The following VAV3 variants were observed in gnomAD, a reference collection of about 807,000 sequenced individuals.
VAV3 encodes the protein guanine nucleotide exchange factor VAV3.
VAV3 carries 94 observed loss-of-function variants against 131.2 expected under a neutral mutation model. The ratio of observed to expected loss-of-function variants is 0.72; its 90% CI spans 0.61 to 0.85. The LOEUF (loss-of-function observed/expected upper bound fraction) is 0.85, where lower values mean the gene tolerates loss of function less well. Ranked by LOEUF, VAV3 falls within the 40% of genes least tolerant of loss-of-function variation. VAV3 has a pLI of 0.00. For missense variants in VAV3, 939 were observed against 1,002.7 expected, an observed-to-expected ratio of 0.94 and a Z score of 0.86; for synonymous variants, 349 against 342.0, an observed-to-expected ratio of 1.02 and a Z score of -0.22.
At position 107,727,231 on chromosome 1, in the gene VAV3, T is replaced by C. The variant is rs545364052; in HGVS notation, c.1502+21737A>G. ...TGCCTGGGTCCCATGGCCAAGTCAGTGATAGGGTTTGGGTTCTTTCGTAAT... is the reference window on the plus strand; with the variant it reads ...TGCCTGGGTCCCATGGCCAAGTCAGCGATAGGGTTTGGGTTCTTTCGTAAT... On this transcript the variant is annotated intron_variant, in intron 15 of 26. Coordinates refer to ENST00000370056, the MANE Select transcript of VAV3 (RefSeq NM_006113.5). 5.3e-5 allele frequency among the ~76,000 whole-genome samples: 8 copies of C among 152,332 alleles called. 1 individual carries two copies. Among genetic ancestry groups the C allele is most frequent in the African/African-American group, 1.9e-4 (8 of 41,572 alleles).
At chr1:107,820,242 A>C (rs1205653816) in intron 2 of VAV3, among the ~76,000 whole-genome samples, 8 of 152,080 alleles carry the variant, frequency 5.3e-5, no homozygotes, top group African/African-American at 1.9e-4. Flanking sequence ...ATAAAGAAAA[A>C]TGTGCTACAT....
chr1:107,586,916 T>C (rs575934657), intron 25 of VAV3, among the ~76,000 whole-genome samples: 16 of 152,244 alleles, frequency 1.1e-4, no homozygotes, highest in South Asian at 2.1e-4. Flanking sequence ...AAAAACTTAA[T>C]TTGTTCAGAA....
At chr1:107,693,732 C>A (rs1468196208) in intron 17 of VAV3, among the ~76,000 whole-genome samples, 2 of 152,142 alleles carry the variant, frequency 1.3e-5, no homozygotes, top group African/African-American at 4.8e-5. Flanking sequence ...AAGTGCCACT[C>A]CTCTGAACTT....
intron 1 of VAV3, among the ~76,000 whole-genome samples, chr1:107,906,568 A>G (rs1672118382): frequency 6.6e-6 from 1 of 152,146 alleles, no homozygotes; most frequent in African/African-American, 2.4e-5. Context: ...CGGGAGGCTG[A>G]GGCGGGAGAA....
rs528193771 is a variant in VAV3, at chr1:107,911,001, A to AT, written c.205-35985_205-35984insA. ...TCAGTCTCATTAAAAGAAAAAAAAA[A>AT]GAAAAAAAAAGCAAGGTAGGCTTGA... is the stretch of plus-strand genomic sequence containing the variant. On this transcript the variant is annotated intron_variant, in intron 1 of 26. Transcript: ENST00000370056. 5.8e-4 allele frequency among the ~76,000 whole-genome samples: 88 copies of AT among 151,718 alleles called. 1 individual carries two copies. The highest frequency in any genetic ancestry group is 1.0e-3 in the Non-Finnish European group (71 of 67,950).
intron 1 of VAV3, among the ~76,000 whole-genome samples, chr1:107,937,137 A>G (rs1673762092): frequency 6.6e-6 from 1 of 152,212 alleles, no homozygotes; most frequent in Non-Finnish European, 1.5e-5. Flanking sequence ...ATCCTGTTTT[A>G]ACAAATAATG....
At chr1:107,897,035 A>G (rs1364590787) in intron 1 of VAV3, among the ~76,000 whole-genome samples, 1 of 151,938 alleles carries the variant, frequency 6.6e-6, no homozygotes, top group Non-Finnish European at 1.5e-5. Context: ...ACAGTCCACA[A>G]TAAGGTTTAA....
chr1:107,946,873 T>G (rs991375195), intron 1 of VAV3, among the ~76,000 whole-genome samples: 17 of 152,232 alleles, frequency 1.1e-4, no homozygotes, highest in African/African-American at 3.9e-4. Flanking sequence ...TAGTATTTAG[T>G]GGAAGGTGTT....
At chr1:107,731,876 G>A (rs1662260846) in intron 15 of VAV3, among the ~76,000 whole-genome samples, 1 of 152,178 alleles carries the variant, frequency 6.6e-6, no homozygotes, top group Admixed American at 6.5e-5. Context: ...AAGGTATTCA[G>A]AATCGATGGG....
chr1:107,693,884 C>T (rs1472130461), intron 17 of VAV3, among the ~76,000 whole-genome samples: 1 of 152,128 alleles, frequency 6.6e-6, no homozygotes. Context: ...TAGGTTGAAG[C>T]CATGTGACTA....
intron 19 of VAV3, among the ~76,000 whole-genome samples, chr1:107,658,501 C>A (rs1003686417): frequency 1.3e-5 from 2 of 152,004 alleles, no homozygotes; most frequent in South Asian, 4.1e-4. Context: ...ATTTCTAGTT[C>A]TAGATCCCTG....
chr1:107,831,485 T>C (rs1396086422), intron 2 of VAV3, among the ~76,000 whole-genome samples: 1 of 152,182 alleles, frequency 6.6e-6, no homozygotes, highest in Non-Finnish European at 1.5e-5. Flanking sequence ...TTATTCCCAA[T>C]ATTATTCTCT....
intron 1 of VAV3, among the ~76,000 whole-genome samples, chr1:107,912,590 T>C (rs1672422985): frequency 1.3e-5 from 2 of 152,172 alleles, no homozygotes; most frequent in African/African-American, 4.8e-5. Flanking sequence ...TTCTGGCTTC[T>C]CCACCTACAC....
At chr1:107,876,054 A>G (rs1670481145) in intron 1 of VAV3, among the ~76,000 whole-genome samples, 1 of 152,172 alleles carries the variant, frequency 6.6e-6, no homozygotes, top group African/African-American at 2.4e-5. Flanking sequence ...AAGGATCAGG[A>G]AAAGAGGAGG....
rs1353922241 is a variant in VAV3, at chr1:107,964,778, A to G, written c.92T>C (p.Phe31Ser). ...ATCGCGGAGGGTCTGCGCAAGGTCG[A>G]ACACCTGAGCCGAGTCCCAGGTCAC... The part of the protein sequence containing the change: ...HRVTWDSAQV[F>S]DLAQTLRDGV... The change falls in exon 1 of 27, where the codon TTC becomes TCC. Residue 31 changes from phenylalanine to serine, a missense_variant. By Grantham distance (155) the Phe-to-Ser change is radical. Coordinates refer to ENST00000370056, the MANE Select transcript of VAV3 (RefSeq NM_006113.5). The G allele has an allele frequency of 6.2e-7, 1 of 1,614,056 alleles. No individual in the cohort carries two copies. Among genetic ancestry groups the G allele is most frequent in the South Asian group, 1.1e-5 (1 of 91,074 alleles).
chr1:107,705,783 G>A (rs949445938), intron 15 of VAV3, among the ~76,000 whole-genome samples: 13 of 152,012 alleles, frequency 8.6e-5, no homozygotes, highest in Admixed American at 5.2e-4. Flanking sequence ...TGCCTGGCAC[G>A]AATAATATCA....
chr1:107,865,064 A>G (rs573135392), intron 2 of VAV3, among the ~76,000 whole-genome samples: 47 of 152,292 alleles, frequency 3.1e-4, no homozygotes, highest in Non-Finnish European at 5.4e-4. Context: ...TGCAGTAGGG[A>G]TCCTCATCAG....
chr1:107,947,905 T>C (rs1674346590), intron 1 of VAV3, among the ~76,000 whole-genome samples: 1 of 152,086 alleles, frequency 6.6e-6, no homozygotes, highest in Non-Finnish European at 1.5e-5. Flanking sequence ...AAACAAATGG[T>C]CCCTAATTTC....
intron 25 of VAV3, among the ~76,000 whole-genome samples, chr1:107,595,623 G>A (rs930830323): frequency 6.6e-6 from 1 of 152,040 alleles, no homozygotes; most frequent in Admixed American, 6.6e-5. Flanking sequence ...AAAGGTTTTC[G>A]ACTTAGACTC....
Sources: allele counts gnomAD v4.1 joint callset (sites outside exome capture counted in the v4.1 genomes callset), GRCh38; gene constraint gnomAD v4.1.1; transcripts MANE v1.5; gene names NCBI Gene and HGNC (gene_info 2026-07-23, HGNC 2026-07-21).